The following PTPRR variants were observed in gnomAD, a reference collection of about 807,000 sequenced individuals.
PTPRR encodes protein tyrosine phosphatase receptor type R, also known as receptor-type tyrosine-protein phosphatase R.
In PTPRR, 38 loss-of-function variants were observed where a neutral mutation model predicts 77.2. That is an observed-to-expected ratio of 0.49 (90% CI 0.38 to 0.65). PTPRR has a LOEUF of 0.65. Among genes scored for constraint, PTPRR ranks in the 30% least tolerant of loss-of-function variants. PTPRR has a pLI of 0.00. For synonymous variants in PTPRR, 299 were observed against 283.1 expected, an observed-to-expected ratio of 1.06 and a Z score of -0.57; for missense variants, 744 against 799.2, an observed-to-expected ratio of 0.93 and a Z score of 0.83.
intron 1 of PTPRR, among the ~76,000 whole-genome samples, chr12:70,898,180 T>C (rs545189364): frequency 6.6e-6 from 1 of 150,500 alleles, no homozygotes; most frequent in East Asian, 2.0e-4. Context: ...AGAATCCATA[T>C]GTAGAAACCT....
At chr12:70,816,005 A>T (rs1384823696) in intron 2 of PTPRR, among the ~76,000 whole-genome samples, 2 of 152,034 alleles carry the variant, frequency 1.3e-5, no homozygotes, top group Non-Finnish European at 2.9e-5. Context: ...TAAAAGAAAC[A>T]CTCTTTCCTG....
At chr12:70,916,648 C>T (rs1893779780) in intron 1 of PTPRR, among the ~76,000 whole-genome samples, 2 of 151,620 alleles carry the variant, frequency 1.3e-5, no homozygotes, top group South Asian at 4.2e-4. Context: ...TTCTGGAGTT[C>T]TAAGGAACAT....
chr12:70,812,857 A>G (rs1290164778), intron 2 of PTPRR, among the ~76,000 whole-genome samples: 1 of 152,236 alleles, frequency 6.6e-6, no homozygotes, highest in East Asian at 1.9e-4. Context: ...CACTGAATAG[A>G]GTCAGAAACA....
intron 2 of PTPRR, among the ~76,000 whole-genome samples, chr12:70,825,632 C>T (rs1892095532): frequency 6.6e-6 from 1 of 152,232 alleles, no homozygotes; most frequent in South Asian, 2.1e-4. Flanking sequence ...GTTGGAATTA[C>T]TCTCCCACTC....
chr12:70,900,417 C>T (rs1197717239), intron 1 of PTPRR, among the ~76,000 whole-genome samples: 1 of 150,438 alleles, frequency 6.6e-6, no homozygotes, highest in African/African-American at 2.5e-5. Context: ...AACAATAAAA[C>T]TACTAGAAGA....
chr12:70,719,055 C>T (rs538786807), intron 6 of PTPRR, among the ~76,000 whole-genome samples: 30 of 152,036 alleles, frequency 2.0e-4, no homozygotes, highest in African/African-American at 7.0e-4. Context: ...TACTCCTGAC[C>T]GGTTCCTGGA....
intron 10 of PTPRR, among the ~76,000 whole-genome samples, chr12:70,665,598 T>C (rs886541988): frequency 1.3e-5 from 2 of 151,704 alleles, no homozygotes; most frequent in African/African-American, 4.8e-5. Flanking sequence ...GCCAGACTGG[T>C]CTTGAACTCC....
intron 2 of PTPRR, among the ~76,000 whole-genome samples, chr12:70,777,462 C>A (rs1742284199): frequency 6.6e-6 from 1 of 152,054 alleles, no homozygotes. Flanking sequence ...TATTTATTAA[C>A]TTCTGCTATG....
At chr12:70,867,500 A>C (rs1371359515) in intron 2 of PTPRR, among the ~76,000 whole-genome samples, 8 of 151,988 alleles carry the variant, frequency 5.3e-5, no homozygotes, top group African/African-American at 1.7e-4. Flanking sequence ...GACCTCTTCA[A>C]GGAGAACTAC....
At chr12:70,844,098 G>A (rs1451691581) in intron 2 of PTPRR, among the ~76,000 whole-genome samples, 3 of 152,072 alleles carry the variant, frequency 2.0e-5, no homozygotes. Flanking sequence ...TTACAGGCGT[G>A]AGTCACCATG....
chr12:70,667,245 C>T (rs1555247292), intron 10 of PTPRR, among the ~76,000 whole-genome samples: 1 of 152,062 alleles, frequency 6.6e-6, no homozygotes, highest in Non-Finnish European at 1.5e-5. Flanking sequence ...CATGAGCCAC[C>T]GTGCCTGGCT....
At chr12:70,822,134 G>C (rs1041796230) in intron 2 of PTPRR, among the ~76,000 whole-genome samples, 1 of 152,164 alleles carries the variant, frequency 6.6e-6, no homozygotes, top group African/African-American at 2.4e-5. Flanking sequence ...GCATGGTGTT[G>C]GATGTTGCAG....
intron 5 of PTPRR, among the ~76,000 whole-genome samples, chr12:70,752,971 A>C (rs1463119945): frequency 6.6e-6 from 1 of 152,218 alleles, no homozygotes; most frequent in Non-Finnish European, 1.5e-5. Context: ...AAATATAAAA[A>C]TCAGTTTTTA....
chr12:70,920,122 A>T (rs983434480), intron 1 of PTPRR, among the ~76,000 whole-genome samples: 1 of 152,118 alleles, frequency 6.6e-6, no homozygotes, highest in Non-Finnish European at 1.5e-5. Context: ...GTATAAAGTA[A>T]AGAAAAATCA....
At chr12:70,779,689 T>C (rs1003095273) in intron 2 of PTPRR, among the ~76,000 whole-genome samples, 2 of 152,314 alleles carry the variant, frequency 1.3e-5, no homozygotes, top group East Asian at 3.9e-4. Context: ...TGGCACATAG[T>C]AGGTATTTAA....
intron 5 of PTPRR, among the ~76,000 whole-genome samples, chr12:70,752,091 C>T (rs962921353): frequency 4.6e-5 from 7 of 152,124 alleles, no homozygotes; most frequent in African/African-American, 1.7e-4. Context: ...ATAGCATGTT[C>T]ACCATTTGAT....
intron 2 of PTPRR, among the ~76,000 whole-genome samples, chr12:70,877,034 G>A (rs986330510): frequency 9.9e-5 from 15 of 152,174 alleles, no homozygotes; most frequent in Non-Finnish European, 2.1e-4. Context: ...GGCTGGCTGT[G>A]AGATCCAAAG....
At chr12:70,894,687 A>AACAGTGGT in intron 1 of PTPRR, among the ~76,000 whole-genome samples, 1 of 151,886 alleles carries the variant, frequency 6.6e-6, no homozygotes, top group East Asian at 1.9e-4. Flanking sequence ...CCATTGATAA[A>AACAGTGGT]ACAGTGGTAA....
At position 70,891,793 on chromosome 12, in the gene PTPRR, G is replaced by T. The variant is rs530974250; in HGVS notation, c.357+886C>A. ...AAAAATAAAGAAAAAAAAGAAGCTT[G>T]TTAGATTTAATTACATTTGGTGCAT... On this transcript the variant is annotated intron_variant, in intron 2 of 13. Transcript: ENST00000283228. Among the ~76,000 whole-genome samples, 6 of 152,202 alleles carry T rather than the reference G, an allele frequency of 3.9e-5. No homozygotes were observed. The East Asian group carries it at 1.2e-3, about 29-fold the overall frequency.
Sources: allele counts gnomAD v4.1 joint callset (sites outside exome capture counted in the v4.1 genomes callset), GRCh38; gene constraint gnomAD v4.1.1; transcripts MANE v1.5; gene names NCBI Gene and HGNC (gene_info 2026-07-23, HGNC 2026-07-21).